ENOX1: variants seen among roughly 807,000 people sequenced by gnomAD.
ENOX1 encodes the protein candidate growth-related and time keeping constitutive hydroquinone (NADH) oxidase.
Under a neutral mutation model 82.5 loss-of-function variants are expected in ENOX1, and 42 were observed. That is an observed-to-expected ratio of 0.51 (90% confidence interval 0.40 to 0.66). The LOEUF is 0.66. Ranked by LOEUF, ENOX1 falls within the 30% of genes least tolerant of loss-of-function variation. The pLI is 0.00. For missense variants in ENOX1, 608 were observed against 811.6 expected, an observed-to-expected ratio of 0.75 and a Z score of 3.05; for synonymous variants, 271 against 282.2, an observed-to-expected ratio of 0.96 and a Z score of 0.40.
At chr13:43,565,854 C>A (rs865897622) in intron 2 of ENOX1, among the ~76,000 whole-genome samples, 1 of 152,124 alleles carries the variant, frequency 6.6e-6, no homozygotes, top group Admixed American at 6.5e-5. Flanking sequence ...AAAAACCCCA[C>A]CATGCCATCC....
chr13:43,719,895 G>A (rs955693779), intron 1 of ENOX1, among the ~76,000 whole-genome samples: 1 of 152,082 alleles, frequency 6.6e-6, no homozygotes, highest in Admixed American at 6.5e-5. Flanking sequence ...TCCTATTTCT[G>A]AGACACGATA....
Position 43,625,559 on chromosome 13 carries a change from T to C in ENOX1, c.-219+41920A>G, listed in dbSNP as rs186111996. 1.9e-4 allele frequency among the ~76,000 whole-genome samples: 29 copies of C among 152,116 alleles called. No homozygotes were observed. The East Asian group carries it at 4.6e-3, about 24-fold the overall frequency. Reference sequence around the variant, plus strand: ...CAAGAATTTTCATCATAAATAAGTGTTGAATTTAATCAAATGATTTTTCTG... The same window carrying C: ...CAAGAATTTTCATCATAAATAAGTGCTGAATTTAATCAAATGATTTTTCTG... On this transcript the variant is annotated intron_variant, in intron 2 of 16. Coordinates refer to ENST00000690772, the MANE Select transcript of ENOX1 (RefSeq NM_001347969.2).
intron 9 of ENOX1, among the ~76,000 whole-genome samples, chr13:43,332,749 A>G (rs1425684788): frequency 6.6e-6 from 1 of 152,190 alleles, no homozygotes; most frequent in Non-Finnish European, 1.5e-5. Flanking sequence ...TATAAATCTA[A>G]TAGTTCCTCA....
chr13:43,751,263 C>T (rs1244637760), intron 1 of ENOX1, among the ~76,000 whole-genome samples: 1 of 152,216 alleles, frequency 6.6e-6, no homozygotes, highest in Non-Finnish European at 1.5e-5. Context: ...ACCAACTTTC[C>T]TTTCCCAGGA....
intron 5 of ENOX1, among the ~76,000 whole-genome samples, chr13:43,384,296 C>T (rs1238954860): frequency 5.3e-5 from 8 of 152,212 alleles, no homozygotes; most frequent in Admixed American, 3.3e-4. Flanking sequence ...ATGGCAAGCA[C>T]AGTAGGAACA....
chr13:43,563,778 A>G (rs2079793579), intron 2 of ENOX1, among the ~76,000 whole-genome samples: 1 of 152,128 alleles, frequency 6.6e-6, no homozygotes, highest in African/African-American at 2.4e-5. Flanking sequence ...CATACAGTCT[A>G]CCAATATTGA....
At chr13:43,280,099 C>T (rs562825743) in intron 12 of ENOX1, among the ~76,000 whole-genome samples, 11 of 152,308 alleles carry the variant, frequency 7.2e-5, no homozygotes, top group Admixed American at 2.6e-4. Context: ...CCTCTGGGCA[C>T]GTGTACAGTT....
chr13:43,425,528 C>T (rs935302711), intron 3 of ENOX1, among the ~76,000 whole-genome samples: 1 of 152,154 alleles, frequency 6.6e-6, no homozygotes, highest in African/African-American at 2.4e-5. Flanking sequence ...AAGGAGATGG[C>T]ATTTGGAGGA....
At chr13:43,500,805 A>C (rs1202316144) in intron 2 of ENOX1, among the ~76,000 whole-genome samples, 1 of 151,992 alleles carries the variant, frequency 6.6e-6, no homozygotes, top group Non-Finnish European at 1.5e-5. Flanking sequence ...AAAGTAAACT[A>C]TCACATCAAT....
intron 2 of ENOX1, among the ~76,000 whole-genome samples, chr13:43,653,909 T>G (rs1158010249): frequency 6.6e-6 from 1 of 152,110 alleles, no homozygotes; most frequent in East Asian, 1.9e-4. Context: ...ATTGAACCAC[T>G]AACAGAATCT....
intron 2 of ENOX1, among the ~76,000 whole-genome samples, chr13:43,631,201 CTTTGAG>C (rs2083202563): frequency 6.6e-6 from 1 of 152,096 alleles, no homozygotes; most frequent in Non-Finnish European, 1.5e-5. Flanking sequence ...TTCCATAAAT[CTTTGAG>C]TTTATTTTCC....
chr13:43,665,041 G>A (rs1202027208), intron 2 of ENOX1, among the ~76,000 whole-genome samples: 1 of 152,134 alleles, frequency 6.6e-6, no homozygotes, highest in Non-Finnish European at 1.5e-5. Context: ...CACCTTCCTG[G>A]AGGCCTGGGC....
chr13:43,653,733 T>C (rs188386956), intron 2 of ENOX1, among the ~76,000 whole-genome samples: 1 of 150,930 alleles, frequency 6.6e-6, no homozygotes, highest in African/African-American at 2.4e-5. Context: ...AATAACCTTG[T>C]TCAATGAAAA....
intron 3 of ENOX1, among the ~76,000 whole-genome samples, chr13:43,456,732 C>T (rs2057249135): frequency 6.6e-6 from 1 of 152,158 alleles, no homozygotes; most frequent in Admixed American, 6.5e-5. Flanking sequence ...TCCCTGATAC[C>T]TCACATAGGG....
Position 43,510,733 on chromosome 13 carries a change from G to A in ENOX1, c.-218-26581C>T, listed in dbSNP as rs548693935. ...TCCCACCTCTATGACTGACTGACTA[G>A]CTATATGATCTTGAGAAAGTTATTT... On this transcript the variant is annotated intron_variant, in intron 2 of 16. Transcript: ENST00000690772. Among the ~76,000 whole-genome samples the A allele has an allele frequency of 2.0e-5, 3 of 152,196 alleles. No homozygotes were observed. The South Asian group carries it at 6.2e-4, about 32-fold the overall frequency.
chr13:43,773,891 A>C (rs890820239), intron 1 of ENOX1, among the ~76,000 whole-genome samples: 1 of 152,230 alleles, frequency 6.6e-6, no homozygotes, highest in Non-Finnish European at 1.5e-5. Context: ...CGCACAATGA[A>C]TATCTAGCAT....
chr13:43,660,441 C>T (rs1255999756), intron 2 of ENOX1, among the ~76,000 whole-genome samples: 1 of 151,930 alleles, frequency 6.6e-6, no homozygotes, highest in Non-Finnish European at 1.5e-5. Flanking sequence ...CTTTTTTGTT[C>T]CCTCAAAAAC....
intron 3 of ENOX1, among the ~76,000 whole-genome samples, chr13:43,476,217 C>T (rs750287288): frequency 7.2e-5 from 11 of 152,028 alleles, no homozygotes; most frequent in Non-Finnish European, 1.5e-4. Flanking sequence ...TGAGCACATG[C>T]TAGGTATAAC....
chr13:43,633,688 ATGTGTGTGTGTGTGTG>A (rs59390732), intron 2 of ENOX1, among the ~76,000 whole-genome samples: 2 of 150,198 alleles, frequency 1.3e-5, no homozygotes, highest in African/African-American at 2.4e-5. Flanking sequence ...AAATGTGTGT[ATGTGTGTGTGTGTGTG>A]TGTGTGTGTG....
Sources: allele counts gnomAD v4.1 joint callset (sites outside exome capture counted in the v4.1 genomes callset), GRCh38; gene constraint gnomAD v4.1.1; transcripts MANE v1.5; gene names NCBI Gene and HGNC (gene_info 2026-07-23, HGNC 2026-07-21).